Variants in PRELID2 observed in about 807,000 individuals in gnomAD.
The protein encoded by PRELID2 is PRELI domain containing 2.
PRELID2 carries 25 observed loss-of-function variants against 28.4 expected under a neutral mutation model. The observed-to-expected ratio is 0.88, with a 90% CI of 0.64 to 1.23. The LOEUF (loss-of-function observed/expected upper bound fraction) is 1.23. Ranked by LOEUF, PRELID2 falls within the 50% of genes most tolerant of loss-of-function variation. The probability of loss-of-function intolerance (pLI) is 0.00; values close to 1 mark genes in which losing one functional copy is unlikely to be tolerated. For synonymous variants in PRELID2, 76 were observed against 71.6 expected, an observed-to-expected ratio of 1.06 and a Z score of -0.31; for missense variants, 201 against 214.4, an observed-to-expected ratio of 0.94 and a Z score of 0.39.
chr5:145,758,955 A>T lies in PRELID2; in HGVS notation c.*1581T>A, dbSNP rs1182630762. The T allele has an allele frequency of 1.1e-4, 16 of 151,262 alleles. No homozygotes were observed. The highest frequency in any genetic ancestry group is 1.5e-4 in the Non-Finnish European group (10 of 67,846). 9.4% of individuals were successfully genotyped at this position (151,262 alleles called of 1,614,324 possible). On this transcript the variant is annotated 3_prime_UTR_variant, in exon 7 of 7. Transcript: ENST00000683046. The stretch of plus-strand genomic sequence containing the variant: ...AAGTGGAAAAATTTTCAGACATTTT[A>T]AAAAAAAATTTCCCCAAGACTCTCC...
chr5:145,621,879 GA>G (rs1753778995), intron 1 of PRELID2, among the ~76,000 whole-genome samples: 1 of 152,002 alleles, frequency 6.6e-6, no homozygotes, highest in African/African-American at 2.4e-5. Context: ...TGAATGAGAT[GA>G]ATACACTCAT....
chr5:145,386,208 C>A, the PRELID2 span, among the ~76,000 whole-genome samples: 3 of 151,864 alleles, frequency 2.0e-5, no homozygotes, highest in Non-Finnish European at 4.4e-5. Context: ...GGAAAATAAC[C>A]CTTATAAAAC....
the PRELID2 span, chr5:145,381,804 T>C: frequency 6.6e-6 from 1 of 152,056 alleles, no homozygotes; most frequent in Non-Finnish European, 1.5e-5. Context: ...CAAAAATAAT[T>C]CTACAGAGGA....
chr5:145,295,389 T>C, the PRELID2 span, among the ~76,000 whole-genome samples: 1 of 152,166 alleles, frequency 6.6e-6, no homozygotes, highest in Non-Finnish European at 1.5e-5. Flanking sequence ...TTACACACTT[T>C]CTAGTATTTC....
chr5:145,418,651 TA>T, the PRELID2 span, among the ~76,000 whole-genome samples: 2 of 152,208 alleles, frequency 1.3e-5, no homozygotes, highest in Admixed American at 1.3e-4. Flanking sequence ...AAGAATTCCC[TA>T]TGCAATAAAT....
chr5:145,277,231 T>G, the PRELID2 span, among the ~76,000 whole-genome samples: 1 of 152,098 alleles, frequency 6.6e-6, no homozygotes, highest in Non-Finnish European at 1.5e-5. Context: ...TAAACAAAAT[T>G]TTCAAAAAAT....
the PRELID2 span, among the ~76,000 whole-genome samples, chr5:145,264,155 A>ATTTG: frequency 1.3e-5 from 2 of 152,152 alleles, no homozygotes; most frequent in African/African-American, 4.8e-5. Context: ...TTTATAAGCC[A>ATTTG]GTATCACCCT....
At chr5:145,710,493 C>T (rs1219635940) in intron 1 of PRELID2, among the ~76,000 whole-genome samples, 4 of 152,124 alleles carry the variant, frequency 2.6e-5, no homozygotes, top group Non-Finnish European at 5.9e-5. Context: ...TTGCATGATT[C>T]TAGTTTACCT....
the PRELID2 span, among the ~76,000 whole-genome samples, chr5:145,464,008 G>A: frequency 6.6e-6 from 1 of 152,048 alleles, no homozygotes; most frequent in African/African-American, 2.4e-5. Flanking sequence ...TTTTTGAGGG[G>A]CTTTACTTTA....
chr5:145,713,250 TA>T (rs2149711469), intron 1 of PRELID2, among the ~76,000 whole-genome samples: 1 of 150,528 alleles, frequency 6.6e-6, no homozygotes, highest in Middle Eastern at 3.5e-3. Context: ...GTTAAACTAC[TA>T]AAAGCCAAAG....
chr5:145,626,854 C>T (rs1217089460), intron 1 of PRELID2, among the ~76,000 whole-genome samples: 1 of 152,064 alleles, frequency 6.6e-6, no homozygotes, highest in Non-Finnish European at 1.5e-5. Context: ...AATCCCAACA[C>T]TTTGGGAGGC....
At chr5:145,360,938 A>G in the PRELID2 span, among the ~76,000 whole-genome samples, 1 of 152,182 alleles carries the variant, frequency 6.6e-6, no homozygotes, top group Non-Finnish European at 1.5e-5. Flanking sequence ...AAGATACAGT[A>G]TCCTACTATG....
the PRELID2 span, among the ~76,000 whole-genome samples, chr5:145,426,717 T>C: frequency 6.6e-6 from 1 of 152,180 alleles, no homozygotes; most frequent in Non-Finnish European, 1.5e-5. Flanking sequence ...AGAGGTAAAG[T>C]TGCACACCCA....
At chr5:145,367,678 C>T in the PRELID2 span, among the ~76,000 whole-genome samples, 6 of 151,950 alleles carry the variant, frequency 3.9e-5, no homozygotes, top group East Asian at 1.9e-4. Flanking sequence ...TTGCCTTTTC[C>T]ATAACGTCAA....
At chr5:145,636,990 G>A (rs1754011964) in intron 1 of PRELID2, among the ~76,000 whole-genome samples, 2 of 152,062 alleles carry the variant, frequency 1.3e-5, no homozygotes, top group Admixed American at 1.3e-4. Context: ...GAAGTGAACT[G>A]CTCAAGGCAG....
the PRELID2 span, among the ~76,000 whole-genome samples, chr5:145,447,093 A>C: frequency 2.0e-5 from 3 of 151,156 alleles, no homozygotes; most frequent in Non-Finnish European, 4.4e-5. Flanking sequence ...AAAAATTTAA[A>C]AATAAAAAGA....
At chr5:145,515,048 A>G (rs1739301423) in intron 1 of PRELID2, among the ~76,000 whole-genome samples, 1 of 152,254 alleles carries the variant, frequency 6.6e-6, no homozygotes, top group Non-Finnish European at 1.5e-5. Flanking sequence ...GCCACAGGAC[A>G]AAGCGGGAAA....
intron 1 of PRELID2, among the ~76,000 whole-genome samples, chr5:145,718,316 T>C (rs997424857): frequency 6.6e-6 from 1 of 151,704 alleles, no homozygotes; most frequent in East Asian, 1.9e-4. Flanking sequence ...AAAAATAAAA[T>C]AAGCAACAAA....
the PRELID2 span, among the ~76,000 whole-genome samples, chr5:145,374,973 C>T: frequency 1.3e-5 from 2 of 152,130 alleles, no homozygotes; most frequent in African/African-American, 2.4e-5. Flanking sequence ...TCTTCCCAAC[C>T]CTTCTTCGTT....
Sources: allele counts gnomAD v4.1 joint callset (sites outside exome capture counted in the v4.1 genomes callset), GRCh38; gene constraint gnomAD v4.1.1; transcripts MANE v1.5; gene names NCBI Gene and HGNC (gene_info 2026-07-23, HGNC 2026-07-21).